Variants in GRIN2A observed in about 807,000 individuals in gnomAD.
GRIN2A encodes glutamate receptor ionotropic, NMDA 2A.
Under a neutral mutation model 113.4 loss-of-function variants are expected in GRIN2A, and 22 were observed. The observed-to-expected ratio is 0.19, with a 90% CI of 0.14 to 0.28. The LOEUF (loss-of-function observed/expected upper bound fraction) is 0.28, where lower values mean the gene tolerates loss of function less well. Ranked by LOEUF, GRIN2A falls within the 10% of genes least tolerant of loss-of-function variation. The pLI, the probability that GRIN2A is intolerant of heterozygous loss-of-function variation, is 1.00. For missense variants in GRIN2A, 1,502 were observed against 1,887.0 expected, an observed-to-expected ratio of 0.80 and a Z score of 3.78; for synonymous variants, 827 against 738.4, an observed-to-expected ratio of 1.12 and a Z score of -1.94.
chr16:10,154,488 T>G (rs959003907), intron 2 of GRIN2A, among the ~76,000 whole-genome samples: 2 of 152,210 alleles, frequency 1.3e-5, no homozygotes, highest in African/African-American at 4.8e-5. Flanking sequence ...TCCCCTGGAA[T>G]ATAAGTTTGA....
At chr16:9,854,913 T>G (rs561359155) in intron 4 of GRIN2A, among the ~76,000 whole-genome samples, 36 of 152,190 alleles carry the variant, frequency 2.4e-4, no homozygotes, top group Admixed American at 7.9e-4. Flanking sequence ...TTTTTGGAGC[T>G]TGGAGGGAAA....
chr16:9,832,284 A>T (rs543863948), intron 8 of GRIN2A, among the ~76,000 whole-genome samples: 1 of 152,076 alleles, frequency 6.6e-6, no homozygotes, highest in South Asian at 2.1e-4. Context: ...GAGCATCTCA[A>T]GATTATTTCA....
rs138765607 is a variant in GRIN2A at position 9,800,407 on chromosome 16, T to A, written c.2169-1943A>T. Among the ~76,000 whole-genome samples, 1,074 of 152,234 alleles carry A rather than the reference T, an allele frequency of 7.1e-3. 5 individuals carry two copies. The highest frequency in any genetic ancestry group is 0.012 in the Non-Finnish European group (798 of 68,010). The stretch of plus-strand genomic sequence containing the variant: ...AAACTAAATCGGAGATGACTCAACT[T>A]CATGACACTTTCTCAACTTTATTGC... On this transcript the variant is annotated intron_variant, in intron 10 of 12. Transcript: ENST00000330684.
chr16:9,806,955 G>A (rs1447932309), intron 10 of GRIN2A, among the ~76,000 whole-genome samples: 1 of 151,486 alleles, frequency 6.6e-6, no homozygotes. Context: ...CCCCCATAAG[G>A]TTCTTGTGGT....
At chr16:10,145,071 A>C (rs1362569643) in intron 2 of GRIN2A, among the ~76,000 whole-genome samples, 1 of 152,164 alleles carries the variant, frequency 6.6e-6, no homozygotes, top group Non-Finnish European at 1.5e-5. Context: ...GCTATGTGAA[A>C]TAAGACCATT....
chr16:9,958,140 T>C (rs546985199), intron 2 of GRIN2A, among the ~76,000 whole-genome samples: 18 of 152,334 alleles, frequency 1.2e-4, no homozygotes, highest in Non-Finnish European at 8.8e-5. Context: ...CTATAACTTC[T>C]GCATAAGCGA....
chr16:9,823,680 T>C lies in GRIN2A; in HGVS notation c.2008-1256A>G, dbSNP rs114063158. ...TTAATCCTTACAAACCCATGCCAGG[T>C]AGTTAATCTTAGAGGCTGCTTCTTG... is the stretch of plus-strand genomic sequence containing the variant. On this transcript the variant is annotated intron_variant, in intron 9 of 12. Transcript: ENST00000330684. Among the ~76,000 whole-genome samples the C allele has an allele frequency of 8.4e-3, 1,272 of 152,272 alleles. 21 individuals are homozygous for C. The highest frequency in any genetic ancestry group is 0.029 in the African/African-American group (1,202 of 41,548).
At chr16:10,079,519 G>A (rs2047939595) in intron 2 of GRIN2A, among the ~76,000 whole-genome samples, 1 of 152,188 alleles carries the variant, frequency 6.6e-6, no homozygotes, top group Non-Finnish European at 1.5e-5. Context: ...GCCCTTGGGA[G>A]GTGATTAGGT....
At chr16:10,089,415 C>G (rs760924038) in intron 2 of GRIN2A, among the ~76,000 whole-genome samples, 4 of 152,054 alleles carry the variant, frequency 2.6e-5, no homozygotes, top group Non-Finnish European at 2.9e-5. Flanking sequence ...ATAAAATAAG[C>G]ACAACAATGA....
At chr16:10,088,803 G>T (rs1386919843) in intron 2 of GRIN2A, among the ~76,000 whole-genome samples, 2 of 152,182 alleles carry the variant, frequency 1.3e-5, no homozygotes, top group Non-Finnish European at 2.9e-5. Context: ...CCATAGCCTT[G>T]TATTCCCATC....
intron 2 of GRIN2A, among the ~76,000 whole-genome samples, chr16:10,064,636 A>G (rs888839855): frequency 2.0e-5 from 3 of 152,228 alleles, no homozygotes; most frequent in African/African-American, 4.8e-5. Flanking sequence ...AGAGAAATTA[A>G]TATGGTGACT....
chr16:10,093,508 T>C (rs1248799592), intron 2 of GRIN2A, among the ~76,000 whole-genome samples: 3 of 152,174 alleles, frequency 2.0e-5, no homozygotes, highest in Non-Finnish European at 4.4e-5. Flanking sequence ...CATTGGCACC[T>C]TCACTCAAGT....
chr16:9,863,654 A>G (rs2043111120), intron 4 of GRIN2A, among the ~76,000 whole-genome samples: 1 of 152,198 alleles, frequency 6.6e-6, no homozygotes, highest in East Asian at 1.9e-4. Context: ...TTCAACCAAG[A>G]GGAATGTCAT....
At chr16:9,858,352 G>A (rs147796401) in intron 4 of GRIN2A, among the ~76,000 whole-genome samples, 11 of 152,134 alleles carry the variant, frequency 7.2e-5, no homozygotes, top group South Asian at 2.1e-4. Flanking sequence ...CTCCCTATAC[G>A]GAAGAGGAAG....
chr16:9,885,311 T>C (rs551351403), intron 4 of GRIN2A, among the ~76,000 whole-genome samples: 2 of 152,252 alleles, frequency 1.3e-5, no homozygotes, highest in South Asian at 2.1e-4. Context: ...GAGGCTGAGG[T>C]TGAGGCATCT....
At chr16:9,925,284 G>A (rs986653847) in intron 3 of GRIN2A, among the ~76,000 whole-genome samples, 3 of 152,180 alleles carry the variant, frequency 2.0e-5, no homozygotes, top group African/African-American at 7.2e-5. Context: ...TCAACTCAGT[G>A]CCCATGAATA....
At chr16:9,854,142 T>A (rs1353247234) in intron 4 of GRIN2A, among the ~76,000 whole-genome samples, 3 of 152,100 alleles carry the variant, frequency 2.0e-5, no homozygotes, top group African/African-American at 4.8e-5. Flanking sequence ...ACATACAGCC[T>A]GTATTTTTTA....
At chr16:9,952,517 G>A (rs996216784) in intron 2 of GRIN2A, among the ~76,000 whole-genome samples, 1 of 152,150 alleles carries the variant, frequency 6.6e-6, no homozygotes, top group Non-Finnish European at 1.5e-5. Context: ...GGCAGGGCCC[G>A]AGGGTAGGTC....
intron 2 of GRIN2A, among the ~76,000 whole-genome samples, chr16:9,982,449 G>A (rs889167891): frequency 2.6e-5 from 4 of 152,076 alleles, no homozygotes; most frequent in Admixed American, 6.6e-5. Context: ...TTTATTACCC[G>A]GAACTACGCC....
Sources: gnomAD v4.1 joint callset for allele counts (sites outside exome capture counted in the v4.1 genomes callset) on GRCh38, gnomAD v4.1.1 for gene constraint, MANE v1.5 for transcripts, NCBI Gene and HGNC (gene_info 2026-07-23, HGNC 2026-07-21) for gene names.